MYO10: variants seen among roughly 807,000 people sequenced by gnomAD.
MYO10 encodes the protein myosin X, also known as unconventional myosin-X.
MYO10 carries 133 observed loss-of-function variants against 257.3 expected under a neutral mutation model. That is an observed-to-expected ratio of 0.52 (90% CI 0.45 to 0.60). MYO10 has a LOEUF of 0.60. Ranked by LOEUF, MYO10 falls within the 20% of genes least tolerant of loss-of-function variation. The pLI is 0.00. For synonymous variants in MYO10, 1,104 were observed against 1,028.6 expected (o/e 1.07, Z -1.40); for missense variants, 2,399 against 2,635.7 (o/e 0.91, Z 1.97).
chr5:16,805,956 C>T (rs894987527), intron 3 of MYO10, among the ~76,000 whole-genome samples: 54 of 152,142 alleles, frequency 3.5e-4, no homozygotes, highest in African/African-American at 1.2e-3. Context: ...AATTTCACAC[C>T]CCCAAAAAAT....
At chr5:16,825,411 C>T (rs550716188) in intron 2 of MYO10, among the ~76,000 whole-genome samples, 1 of 152,334 alleles carries the variant, frequency 6.6e-6, no homozygotes, top group South Asian at 2.1e-4. Context: ...CTTCTGACCA[C>T]GACCCACAGT....
intron 1 of MYO10, among the ~76,000 whole-genome samples, chr5:16,900,744 G>GTTGTTTT (rs1554007452): frequency 2.3e-5 from 3 of 132,740 alleles, no homozygotes; most frequent in South Asian, 4.7e-4. Context: ...CCTAAATCTT[G>GTTGTTTT]TTTTTTTTTT....
At chr5:16,731,937 G>A (rs1739599411) in intron 19 of MYO10, among the ~76,000 whole-genome samples, 1 of 152,120 alleles carries the variant, frequency 6.6e-6, no homozygotes, top group Non-Finnish European at 1.5e-5. Flanking sequence ...AAAATGGAAG[G>A]CTGAGTGATA....
chr5:16,840,986 CA>C (rs35494384), intron 2 of MYO10, among the ~76,000 whole-genome samples: 29,270 of 150,386 alleles, frequency 0.19, 2,790 homozygotes, highest in East Asian at 0.27. Context: ...ACTAAAAATA[CA>C]AAAAAAAATT....
chr5:16,747,597 G>C (rs1304074266), intron 19 of MYO10, among the ~76,000 whole-genome samples: 9 of 152,188 alleles, frequency 5.9e-5, no homozygotes, highest in Non-Finnish European at 1.2e-4. Flanking sequence ...CAAAAGCTTA[G>C]TAAAGCTAAA....
intron 12 of MYO10, 49 bp downstream of exon 12, chr5:16,764,201 T>G: frequency 6.3e-7 from 1 of 1,584,892 alleles, no homozygotes; most frequent in South Asian, 1.1e-5. Flanking sequence ...CAATAGCAGC[T>G]AATCATGGAC....
At chr5:16,744,000 A>AT (rs1288313630) in intron 19 of MYO10, among the ~76,000 whole-genome samples, 1 of 152,174 alleles carries the variant, frequency 6.6e-6, no homozygotes, top group Non-Finnish European at 1.5e-5. Context: ...AAATTTTTTA[A>AT]TGTTCTTTAA....
chr5:16,788,864 T>C (rs1205173434), intron 4 of MYO10, among the ~76,000 whole-genome samples: 1 of 152,126 alleles, frequency 6.6e-6, no homozygotes, highest in Non-Finnish European at 1.5e-5. Context: ...TGTATTTTTT[T>C]CCAAGATGGA....
In MYO10 at chr5:16,682,003, A is replaced by AC; in HGVS notation, c.4056dup (p.Phe1353ValfsTer103). On this transcript the variant is annotated frameshift_variant, in exon 31 of 41. Transcript: ENST00000513610. LOFTEE classifies it high-confidence loss of function. ...ACCCGGTTGGCCGTGATGATCACAA[A>AC]CGAGTTGGGTCTGAGCCACAAGATG... 1 of 1,613,396 alleles carries AC rather than the reference A, an allele frequency of 6.2e-7. No homozygotes were observed. Among genetic ancestry groups the AC allele is most frequent in the Non-Finnish European group, 8.5e-7 (1 of 1,179,864 alleles).
At chr5:16,872,427 T>C (rs971141206) in intron 2 of MYO10, among the ~76,000 whole-genome samples, 1 of 152,152 alleles carries the variant, frequency 6.6e-6, no homozygotes, top group Non-Finnish European at 1.5e-5. Flanking sequence ...TGCTGCAAGA[T>C]GAAAACATTC....
At chr5:16,786,126 G>C (rs999719811) in intron 4 of MYO10, among the ~76,000 whole-genome samples, 1 of 834 alleles carries the variant, frequency 1.2e-3, no homozygotes, top group East Asian at 3.3e-3. Context: ...CCAGGGGCCG[G>C]AGAGGAGCAA....
chr5:16,782,115 T>C (rs1004467828), intron 5 of MYO10, among the ~76,000 whole-genome samples: 5 of 152,152 alleles, frequency 3.3e-5, no homozygotes, highest in Non-Finnish European at 5.9e-5. Context: ...TGGCCTTACA[T>C]GCACAATCCA....
intron 4 of MYO10, among the ~76,000 whole-genome samples, chr5:16,791,559 C>CAT (rs1231157890): frequency 7.8e-5 from 10 of 128,370 alleles, no homozygotes; most frequent in African/African-American, 2.6e-4. Context: ...CACACACACA[C>CAT]ACATACACAT....
chr5:16,935,898 G>T lies in MYO10; in HGVS notation c.-90C>A. On this transcript the variant is annotated 5_prime_UTR_variant, in exon 1 of 41. Coordinates refer to ENST00000513610, the MANE Select transcript of MYO10 (RefSeq NM_012334.3). The stretch of plus-strand genomic sequence containing the variant: ...GGTCCGGGGAAACCATGCGTGTCAC[G>T]GCGCCACTCCCGAGGACGCGCGCCC... The T allele has an allele frequency of 6.5e-7, 1 of 1,529,926 alleles. No individual in the cohort carries two copies. The highest frequency in any genetic ancestry group is 8.9e-7 in the Non-Finnish European group (1 of 1,124,336). 94.8% of individuals were successfully genotyped at this position (1,529,926 alleles called of 1,614,324 possible).
At chr5:16,813,016 A>G (rs2126699356) in intron 3 of MYO10, among the ~76,000 whole-genome samples, 1 of 152,182 alleles carries the variant, frequency 6.6e-6, no homozygotes, top group South Asian at 2.1e-4. Context: ...TTTCTGACAA[A>G]GTTCTCAGAT....
At position 16,665,036 on chromosome 5, in the gene MYO10, C is replaced by G. The variant is rs918419667; in HGVS notation, c.*1656G>C. The G allele has an allele frequency of 6.6e-6, 1 of 152,136 alleles. No individual in the cohort carries two copies. Among genetic ancestry groups the G allele is most frequent in the Non-Finnish European group, 1.5e-5 (1 of 68,112 alleles). 9.4% of individuals were successfully genotyped at this position (152,136 alleles called of 1,614,324 possible). On this transcript the variant is annotated 3_prime_UTR_variant, in exon 41 of 41. Coordinates refer to ENST00000513610, the MANE Select transcript of MYO10 (RefSeq NM_012334.3). The stretch of plus-strand genomic sequence containing the variant: ...TGGCCAACATGGTGAAACCCCATCT[C>G]TACTAAAAATACAAAACCTAGCCAG...
chr5:16,746,618 A>C (rs1740204980), intron 19 of MYO10, among the ~76,000 whole-genome samples: 1 of 152,212 alleles, frequency 6.6e-6, no homozygotes, highest in African/African-American at 2.4e-5. Flanking sequence ...ATCACACTAC[A>C]GATTTACCAG....
At chr5:16,666,916 C>G (rs534195461) in intron 40 of MYO10, 123 bp from the exon 41 acceptor site, 1 of 719,552 alleles carries the variant, frequency 1.4e-6, no homozygotes, top group South Asian at 1.9e-5. Context: ...TCGACGGATC[C>G]CATTTTGCAG....
intron 9 of MYO10, among the ~76,000 whole-genome samples, chr5:16,771,938 TA>T (rs1447093331): frequency 6.6e-6 from 1 of 151,674 alleles, no homozygotes; most frequent in Non-Finnish European, 1.5e-5. Context: ...TATAAAGACA[TA>T]AAAAAGAAAT....
Sources: gnomAD v4.1 joint callset for allele counts (sites outside exome capture counted in the v4.1 genomes callset) on GRCh38, gnomAD v4.1.1 for gene constraint, MANE v1.5 for transcripts, NCBI Gene and HGNC (gene_info 2026-07-23, HGNC 2026-07-21) for gene names.